The following LOC128092252 variants were observed in gnomAD, a reference collection of about 807,000 sequenced individuals.
At chr15:50,672,898 CAAAAAAAAAA>C in the LOC128092252 span, among the ~76,000 whole-genome samples, 9 of 26,218 alleles carry the variant, frequency 3.4e-4, no homozygotes, top group South Asian at 4.2e-3. Context: ...GACTCTGTCT[CAAAAAAAAAA>C]AAAAAAAAAA....
At chr15:50,664,417 C>T in the LOC128092252 span, among the ~76,000 whole-genome samples, 1 of 150,244 alleles carries the variant, frequency 6.7e-6, no homozygotes, top group Admixed American at 6.6e-5. Flanking sequence ...GTTAATGATA[C>T]AGGAATAAAA....
the LOC128092252 span, among the ~76,000 whole-genome samples, chr15:50,665,190 G>C: frequency 6.6e-6 from 1 of 152,030 alleles, no homozygotes; most frequent in Non-Finnish European, 1.5e-5. Context: ...CCTGAGGCCA[G>C]GAGTTCGAGA....
chr15:50,664,847 C>G, the LOC128092252 span, among the ~76,000 whole-genome samples: 1 of 152,064 alleles, frequency 6.6e-6, no homozygotes, highest in African/African-American at 2.4e-5. Flanking sequence ...TATAGTCAGT[C>G]CCAGCTACTC....
At chr15:50,666,568 C>G in the LOC128092252 span, among the ~76,000 whole-genome samples, 2 of 151,630 alleles carry the variant, frequency 1.3e-5, no homozygotes, top group Non-Finnish European at 2.9e-5. Flanking sequence ...CTTTGGGAGG[C>G]TGAGGCGGGC....
the LOC128092252 span, among the ~76,000 whole-genome samples, chr15:50,675,941 C>T: frequency 2.0e-5 from 3 of 152,152 alleles, no homozygotes; most frequent in African/African-American, 7.2e-5. Context: ...CAACCTTGTG[C>T]AAGTTTCAGA....
chr15:50,686,455 C>G, the LOC128092252 span: 3 of 1,613,064 alleles, frequency 1.9e-6, no homozygotes, highest in Non-Finnish European at 2.5e-6. Flanking sequence ...TCCCCACACA[C>G]TTGCCTGCCA....
chr15:50,683,178 G>A, the LOC128092252 span, among the ~76,000 whole-genome samples: 1 of 151,536 alleles, frequency 6.6e-6, no homozygotes. Flanking sequence ...ATGAGCCACT[G>A]CACCCTGACC....
the LOC128092252 span, among the ~76,000 whole-genome samples, chr15:50,656,296 T>C: frequency 1.3e-5 from 2 of 151,944 alleles, no homozygotes; most frequent in Non-Finnish European, 2.9e-5. Context: ...CTGTCAGGTC[T>C]TTTTGTTTGT....
chr15:50,664,212 C>T, the LOC128092252 span, among the ~76,000 whole-genome samples: 1 of 150,198 alleles, frequency 6.7e-6, no homozygotes, highest in South Asian at 2.1e-4. Context: ...GCAGGAGAAT[C>T]GCTTGAACCA....
the LOC128092252 span, among the ~76,000 whole-genome samples, chr15:50,681,341 T>G: frequency 2.0e-5 from 3 of 151,718 alleles, no homozygotes; most frequent in Non-Finnish European, 4.4e-5. Flanking sequence ...CATTAGCTAA[T>G]GCAAAAATGT....
At chr15:50,679,782 G>A in the LOC128092252 span, among the ~76,000 whole-genome samples, 4 of 150,894 alleles carry the variant, frequency 2.7e-5, no homozygotes, top group East Asian at 2.0e-4. Flanking sequence ...CAATCCTCCC[G>A]CCTCAGCCTC....
At chr15:50,686,406 C>G in the LOC128092252 span, 1 of 1,522,212 alleles carries the variant, frequency 6.6e-7, no homozygotes, top group Non-Finnish European at 9.1e-7. Context: ...CCGGAAGCCT[C>G]AAGGCAATTC....
the LOC128092252 span, among the ~76,000 whole-genome samples, chr15:50,655,751 A>G: frequency 1.3e-5 from 2 of 152,184 alleles, no homozygotes; most frequent in Non-Finnish European, 2.9e-5. Flanking sequence ...GAATTCCAGC[A>G]CTTTGGGAGG....
chr15:50,656,312 T>C, the LOC128092252 span, among the ~76,000 whole-genome samples: 1 of 152,062 alleles, frequency 6.6e-6, no homozygotes, highest in Non-Finnish European at 1.5e-5. Flanking sequence ...TTTGTTTTTT[T>C]TTCTGGAGAC....
the LOC128092252 span, among the ~76,000 whole-genome samples, chr15:50,685,122 A>G: frequency 1.2e-3 from 186 of 152,332 alleles, 4 homozygotes; most frequent in South Asian, 0.037. Flanking sequence ...AAACTGGCCA[A>G]TGGGTATATG....
the LOC128092252 span, among the ~76,000 whole-genome samples, chr15:50,652,419 T>C: frequency 1.4e-5 from 2 of 144,834 alleles, no homozygotes; most frequent in Non-Finnish European, 3.0e-5. Flanking sequence ...AAGCTTGTCA[T>C]TGAAAAGATA....
the LOC128092252 span, among the ~76,000 whole-genome samples, chr15:50,677,335 C>T: frequency 6.6e-6 from 1 of 152,038 alleles, no homozygotes; most frequent in South Asian, 2.1e-4. Context: ...CTCCAAATAC[C>T]ATCACACTGG....
chr15:50,654,186 A>G, the LOC128092252 span, among the ~76,000 whole-genome samples: 1 of 152,104 alleles, frequency 6.6e-6, no homozygotes, highest in Non-Finnish European at 1.5e-5. Flanking sequence ...GCAGTGACTC[A>G]CACCATCCCA....
At chr15:50,663,422 G>A in the LOC128092252 span, among the ~76,000 whole-genome samples, 2 of 152,152 alleles carry the variant, frequency 1.3e-5, no homozygotes, top group Admixed American at 6.6e-5. Flanking sequence ...CACCGTGCCC[G>A]GCCCATAAAC....
Sources: gnomAD v4.1 joint callset for allele counts (sites outside exome capture counted in the v4.1 genomes callset) on GRCh38, gnomAD v4.1.1 for gene constraint, MANE v1.5 for transcripts.